The following CDH4 variants were observed in gnomAD, a reference collection of about 807,000 sequenced individuals.
CDH4 encodes the protein cadherin-4.
In CDH4, 33 loss-of-function variants were observed where a neutral mutation model predicts 86.0. The observed-to-expected ratio is 0.38, with a 90% confidence interval of 0.29 to 0.51. CDH4 has a LOEUF of 0.51. Ranked by LOEUF, CDH4 falls within the 20% of genes least tolerant of loss-of-function variation. CDH4 has a pLI of 0.86. For synonymous variants in CDH4, 555 were observed against 549.4 expected (o/e 1.01, Z -0.14); for missense variants, 1,114 against 1,307.4 (o/e 0.85, Z 2.28).
intron 2 of CDH4, among the ~76,000 whole-genome samples, chr20:61,598,911 C>T (rs1235984945): frequency 6.6e-6 from 1 of 152,220 alleles, no homozygotes; most frequent in Admixed American, 6.5e-5. Flanking sequence ...GCAGCCTGGG[C>T]GTCTCTGCGG....
At position 61,573,651 on chromosome 20, in the gene CDH4, G is replaced by A. The variant is rs139655378; in HGVS notation, c.170-169912G>A. Among the ~76,000 whole-genome samples the A allele has an allele frequency of 3.2e-3, 493 of 152,250 alleles. 2 individuals carry two copies. Among genetic ancestry groups the A allele is most frequent in the African/African-American group, 0.011 (473 of 41,546 alleles). On this transcript the variant is annotated intron_variant, in intron 2 of 15. Coordinates refer to ENST00000614565, the MANE Select transcript of CDH4 (RefSeq NM_001794.5). ...TGCAGCACAGTGGCCCTGATGTTCCGCTGAGCAGCATGAGCCTGAAGCCAG... is the reference window on the plus strand; with the variant it reads ...TGCAGCACAGTGGCCCTGATGTTCCACTGAGCAGCATGAGCCTGAAGCCAG...
chr20:61,629,019 C>G (rs1324942123), intron 2 of CDH4, among the ~76,000 whole-genome samples: 1 of 152,238 alleles, frequency 6.6e-6, no homozygotes, highest in African/African-American at 2.4e-5. Flanking sequence ...CAAGGCATCT[C>G]GCAAGCTTCC....
chr20:61,873,959 C>A, intron 7 of CDH4, 59 bp downstream of exon 7: 1 of 1,575,754 alleles, frequency 6.3e-7, no homozygotes, highest in South Asian at 1.1e-5. Flanking sequence ...GCAGGACACC[C>A]ACAGGACCCT....
At chr20:61,737,905 C>T (rs1469951283) in intron 2 of CDH4, among the ~76,000 whole-genome samples, 1 of 152,238 alleles carries the variant, frequency 6.6e-6, no homozygotes. Context: ...TTGGTGTTTG[C>T]ACCCCAAGAC....
rs530683013 is a variant in CDH4 at position 61,395,541 on chromosome 20, A to G, written c.169+140604A>G. Among the ~76,000 whole-genome samples the G allele has an allele frequency of 1.2e-3, 178 of 152,176 alleles. 1 individual carries two copies. In the Middle Eastern group the frequency reaches 0.02, roughly 17 times the overall value. ...ACACATGTAATCCCAGCACTTTGGGAGGGTAAGGCAGGAGGATCTCTTGAG... is the reference window on the plus strand; with the variant it reads ...ACACATGTAATCCCAGCACTTTGGGGGGGTAAGGCAGGAGGATCTCTTGAG... On this transcript the variant is annotated intron_variant, in intron 2 of 15. Transcript: ENST00000614565.
At chr20:61,396,264 C>A (rs1367222884) in intron 2 of CDH4, among the ~76,000 whole-genome samples, 1 of 152,134 alleles carries the variant, frequency 6.6e-6, no homozygotes, top group Non-Finnish European at 1.5e-5. Context: ...CTGGTACCAT[C>A]CTGGCTACAT....
At chr20:61,484,462 A>G (rs561555939) in intron 2 of CDH4, among the ~76,000 whole-genome samples, 2 of 151,842 alleles carry the variant, frequency 1.3e-5, no homozygotes, top group East Asian at 3.9e-4. Flanking sequence ...AGCCTGCCCC[A>G]CTCTTCATCA....
intron 2 of CDH4, among the ~76,000 whole-genome samples, chr20:61,454,311 G>A (rs1225062755): frequency 6.6e-6 from 1 of 152,186 alleles, no homozygotes; most frequent in Non-Finnish European, 1.5e-5. Flanking sequence ...CAACCATGGG[G>A]TGAACTTTGT....
Position 61,783,204 on chromosome 20 carries a change from C to T in CDH4, c.576+10022C>T, listed in dbSNP as rs189124453. On this transcript the variant is annotated intron_variant, in intron 4 of 15. Transcript: ENST00000614565. ...CCCATCTATGAAAACAAATACAAGG[C>T]GTCAATGATTCTGAAGGCTTCTTCC... Among the ~76,000 whole-genome samples the T allele has an allele frequency of 5.6e-4, 86 of 152,308 alleles. 1 individual carries two copies. Among genetic ancestry groups the T allele is most frequent in the African/African-American group, 1.9e-3 (81 of 41,560 alleles).
At chr20:61,785,960 C>T (rs758465440) in intron 4 of CDH4, among the ~76,000 whole-genome samples, 1 of 152,096 alleles carries the variant, frequency 6.6e-6, no homozygotes, top group African/African-American at 2.4e-5. Flanking sequence ...AACCAGTGGC[C>T]GGAGGTATCC....
intron 2 of CDH4, among the ~76,000 whole-genome samples, chr20:61,349,335 C>T (rs562698597): frequency 2.0e-5 from 3 of 152,214 alleles, no homozygotes; most frequent in Non-Finnish European, 4.4e-5. Flanking sequence ...GCTCCGCAGC[C>T]GGGTGTGGCA....
chr20:61,356,311 C>T (rs28569852), intron 2 of CDH4, among the ~76,000 whole-genome samples: 10 of 152,180 alleles, frequency 6.6e-5, no homozygotes, highest in African/African-American at 2.4e-4. Context: ...AGCACCACAT[C>T]CTCCTGCCAA....
intron 2 of CDH4, among the ~76,000 whole-genome samples, chr20:61,620,585 A>T (rs1169361596): frequency 6.6e-6 from 1 of 152,222 alleles, no homozygotes; most frequent in African/African-American, 2.4e-5. Context: ...ATAGAGAGAC[A>T]AATCTTGCTA....
At chr20:61,502,954 C>T (rs894358004) in intron 2 of CDH4, among the ~76,000 whole-genome samples, 2 of 152,092 alleles carry the variant, frequency 1.3e-5, no homozygotes, top group Non-Finnish European at 2.9e-5. Flanking sequence ...TGTCGCTCAC[C>T]GTGAGCATTT....
intron 2 of CDH4, among the ~76,000 whole-genome samples, chr20:61,376,878 C>G (rs1021326391): frequency 6.6e-6 from 1 of 152,226 alleles, no homozygotes; most frequent in Non-Finnish European, 1.5e-5. Context: ...TCTAGCACTT[C>G]CCTGTGGCAA....
At chr20:61,686,140 G>C (rs2087570849) in intron 2 of CDH4, among the ~76,000 whole-genome samples, 1 of 152,194 alleles carries the variant, frequency 6.6e-6, no homozygotes, top group South Asian at 2.1e-4. Context: ...AGAGAATGAG[G>C]ATCTTGCCAG....
chr20:61,906,543 A>G (rs1371721567), intron 8 of CDH4, among the ~76,000 whole-genome samples: 1 of 152,254 alleles, frequency 6.6e-6, no homozygotes, highest in African/African-American at 2.4e-5. Context: ...TTTTCACTCA[A>G]GGAAGGAGAA....
rs550364052 is a variant in CDH4, at chr20:61,362,302, G to T, written c.169+107365G>T. Among the ~76,000 whole-genome samples the T allele has an allele frequency of 4.8e-4, 73 of 152,290 alleles. No individual in the cohort carries two copies. The South Asian group carries it at 0.015, about 30-fold the overall frequency. On this transcript the variant is annotated intron_variant, in intron 2 of 15. Coordinates refer to ENST00000614565, the MANE Select transcript of CDH4 (RefSeq NM_001794.5). ...ATGGAAGCCACAGAGTATTCAGCAG[G>T]GAAGGGGAGAGCGGAGACGTGGCCT...
chr20:61,706,134 G>A lies in CDH4; in HGVS notation c.170-37429G>A, dbSNP rs540629714. The stretch of plus-strand genomic sequence containing the variant: ...AGGCTGGCTGAGGAACAGCCGGCCC[G>A]ACGCCTGCCCGGCGCCTGCTCGGCA... On this transcript the variant is annotated intron_variant, in intron 2 of 15. Transcript: ENST00000614565. 2.5e-4 allele frequency among the ~76,000 whole-genome samples: 38 copies of A among 152,316 alleles called. 1 individual carries two copies. In the East Asian group the frequency reaches 6.2e-3, roughly 25 times the overall value.
Sources: gnomAD v4.1 joint callset for allele counts (sites outside exome capture counted in the v4.1 genomes callset) on GRCh38, gnomAD v4.1.1 for gene constraint, MANE v1.5 for transcripts, NCBI Gene and HGNC (gene_info 2026-07-23, HGNC 2026-07-21) for gene names.